Variants in CCPG1 observed in about 807,000 individuals in gnomAD.
The protein encoded by CCPG1 is cell cycle progression 1.
CCPG1 carries 46 observed loss-of-function variants against 81.3 expected under a neutral mutation model. The observed-to-expected ratio is 0.57, with a 90% confidence interval of 0.45 to 0.72. The LOEUF (loss-of-function observed/expected upper bound fraction) is 0.72. Among genes scored for constraint, CCPG1 ranks in the 30% least tolerant of loss-of-function variants. CCPG1 has a pLI of 0.00. For synonymous variants in CCPG1, 330 were observed against 305.2 expected (o/e 1.08, Z -0.85); for missense variants, 902 against 937.6 (o/e 0.96, Z 0.50).
At chr15:55,375,418 G>T (rs1450985040) in intron 5 of CCPG1, among the ~76,000 whole-genome samples, 1 of 151,996 alleles carries the variant, frequency 6.6e-6, no homozygotes, top group African/African-American at 2.4e-5. Flanking sequence ...GAAACTACCT[G>T]AATACAACAC....
chr15:55,393,002 G>T (rs1481714207), intron 1 of CCPG1, among the ~76,000 whole-genome samples: 1 of 152,204 alleles, frequency 6.6e-6, no homozygotes. Context: ...TACTCGAGAG[G>T]CTGAGGCAGG....
intron 6 of CCPG1, among the ~76,000 whole-genome samples, chr15:55,365,765 G>A (rs998815237): frequency 5.3e-5 from 8 of 150,146 alleles, no homozygotes; most frequent in East Asian, 2.0e-4. Flanking sequence ...GCATTTCACC[G>A]TTCTTTAAAA....
chr15:55,402,810 T>C (rs1411215222), intron 1 of CCPG1, among the ~76,000 whole-genome samples: 1 of 152,234 alleles, frequency 6.6e-6, no homozygotes, highest in Non-Finnish European at 1.5e-5. Flanking sequence ...CTACTTCCTA[T>C]TGTCAAACTA....
At chr15:55,407,505 T>C (rs2057259478) in intron 1 of CCPG1, among the ~76,000 whole-genome samples, 1 of 152,196 alleles carries the variant, frequency 6.6e-6, no homozygotes, top group Non-Finnish European at 1.5e-5. Flanking sequence ...CAACTGTGTT[T>C]TTCAATAAAA....
rs191647562 is a variant in CCPG1 at position 55,394,883 on chromosome 15, C to G, written c.-9-5450G>C. ...GCCTGCATGATTGCTTAACTGACCA[C>G]CTGCTGCCTGTTGACCAACTTCTCT... On this transcript the variant is annotated intron_variant, in intron 1 of 8. Coordinates refer to ENST00000442196, the MANE Select transcript of CCPG1 (RefSeq NM_001204450.2). Among the ~76,000 whole-genome samples, 136 of 152,086 alleles carry G rather than the reference C, an allele frequency of 8.9e-4. 4 individuals carry two copies. In the East Asian group the frequency reaches 0.018, roughly 20 times the overall value.
intron 4 of CCPG1, among the ~76,000 whole-genome samples, 177 bp from the exon 5 acceptor site, chr15:55,377,327 A>C (rs999774274): frequency 2.6e-5 from 4 of 152,220 alleles, no homozygotes; most frequent in African/African-American, 9.6e-5. Flanking sequence ...TGAGAACACC[A>C]TCAGATCCCT....
At chr15:55,407,037 A>AACCC (rs1555411229) in intron 1 of CCPG1, among the ~76,000 whole-genome samples, 6 of 112,698 alleles carry the variant, frequency 5.3e-5, no homozygotes, top group Non-Finnish European at 1.1e-4. Flanking sequence ...ACACGTTGAG[A>AACCC]CCCCCCCCCC....
At chr15:55,395,157 C>G (rs768099448) in intron 1 of CCPG1, among the ~76,000 whole-genome samples, 2 of 152,136 alleles carry the variant, frequency 1.3e-5, no homozygotes, top group Non-Finnish European at 2.9e-5. Flanking sequence ...GTAACACCAT[C>G]CAGCCCAAAA....
chr15:55,407,715 T>G (rs2057264931), intron 1 of CCPG1: 1 of 152,314 alleles, frequency 6.6e-6, no homozygotes, highest in East Asian at 1.9e-4. Context: ...ATCATCAGGC[T>G]GGCGTGCTAG....
intron 6 of CCPG1, among the ~76,000 whole-genome samples, chr15:55,367,128 TTTAGATTTCTCAATTTATAGAAGCAC>T (rs778823594): frequency 8.5e-5 from 13 of 152,344 alleles, no homozygotes; most frequent in Non-Finnish European, 1.6e-4. Context: ...ATTTCCTCTC[TTTAGATTTCTCAATTTATAGAAGCAC>T]GGCAAGCTTG....
chr15:55,405,739 CG>C (rs1438250454), intron 1 of CCPG1, among the ~76,000 whole-genome samples: 3 of 147,266 alleles, frequency 2.0e-5, no homozygotes, highest in Non-Finnish European at 4.4e-5. Context: ...TACAAATTGT[CG>C]GATCTGTTAT....
chr15:55,397,172 C>T (rs2057035153), intron 1 of CCPG1, among the ~76,000 whole-genome samples: 1 of 151,842 alleles, frequency 6.6e-6, no homozygotes, highest in African/African-American at 2.4e-5. Flanking sequence ...CGAGATGGCG[C>T]CACTGCACTC....
At chr15:55,402,898 G>C (rs1006665680) in intron 1 of CCPG1, among the ~76,000 whole-genome samples, 4 of 152,280 alleles carry the variant, frequency 2.6e-5, no homozygotes, top group Middle Eastern at 3.4e-3. Flanking sequence ...AACCACAGAA[G>C]TACACTGCAG....
At chr15:55,384,926 AT>A (rs1162236062) in intron 3 of CCPG1, among the ~76,000 whole-genome samples, 2 of 152,198 alleles carry the variant, frequency 1.3e-5, no homozygotes, top group African/African-American at 4.8e-5. Context: ...TCAATGAATA[AT>A]TTTTTTCTTA....
intron 5 of CCPG1, 135 bp downstream of exon 5, chr15:55,376,814 C>T (rs2056575483): frequency 4.6e-6 from 3 of 649,594 alleles, no homozygotes; most frequent in South Asian, 1.9e-5. Context: ...AGATTTCACA[C>T]ACAAAAATAG....
chr15:55,385,999 G>T (rs1027454338), intron 2 of CCPG1, among the ~76,000 whole-genome samples: 1 of 151,904 alleles, frequency 6.6e-6, no homozygotes, highest in Non-Finnish European at 1.5e-5. Flanking sequence ...AGAGAATAAG[G>T]GTCTAAATTT....
At chr15:55,403,805 C>T (rs915615523) in intron 1 of CCPG1, among the ~76,000 whole-genome samples, 1 of 152,174 alleles carries the variant, frequency 6.6e-6, no homozygotes, top group African/African-American at 2.4e-5. Flanking sequence ...ATAATTCAGC[C>T]TCCAGCAGTT....
At chr15:55,363,729 T>G (rs2056255471) in intron 7 of CCPG1, among the ~76,000 whole-genome samples, 1 of 147,178 alleles carries the variant, frequency 6.8e-6, no homozygotes, top group Non-Finnish European at 1.5e-5. Flanking sequence ...GAAGCATACA[T>G]AAATTAAGTG....
At chr15:55,359,280 A>G in intron 8 of CCPG1, 1 of 1,144,398 alleles carries the variant, frequency 8.7e-7, no homozygotes, top group Non-Finnish European at 1.1e-6. Context: ...AGGATTTTAT[A>G]TATTCTTAAC....
Sources: gnomAD v4.1 joint callset for allele counts (sites outside exome capture counted in the v4.1 genomes callset) on GRCh38, gnomAD v4.1.1 for gene constraint, MANE v1.5 for transcripts, NCBI Gene and HGNC (gene_info 2026-07-23, HGNC 2026-07-21) for gene names.